The following G3BP2 variants were observed in gnomAD, a reference collection of about 807,000 sequenced individuals.
G3BP2 encodes G3BP stress granule assembly factor 2, also known as ras GTPase-activating protein-binding protein 2.
In G3BP2, 11 loss-of-function variants were observed where a neutral mutation model predicts 56.7. That is an observed-to-expected ratio of 0.19 (90% CI 0.12 to 0.32). The LOEUF (loss-of-function observed/expected upper bound fraction) is 0.32. Ranked by LOEUF, G3BP2 falls within the 10% of genes least tolerant of loss-of-function variation. G3BP2 has a pLI of 1.00. For synonymous variants in G3BP2, 165 were observed against 191.6 expected (o/e 0.86, Z 1.15); for missense variants, 340 against 610.9 (o/e 0.56, Z 4.67).
At chr4:75,669,893 G>A (rs188572855) in intron 1 of G3BP2, among the ~76,000 whole-genome samples, 228 of 152,276 alleles carry the variant, frequency 1.5e-3, no homozygotes, top group African/African-American at 4.7e-3. Context: ...AGGAGTTCGA[G>A]ACCAGCCTGA....
chr4:75,696,552 C>T (rs927688894), intron 3 of G3BP2, among the ~76,000 whole-genome samples: 13 of 152,170 alleles, frequency 8.5e-5, no homozygotes, highest in Admixed American at 2.0e-4. Flanking sequence ...AGGGTCACTG[C>T]GCATCAGGCT....
At position 75,647,045 on chromosome 4, in the gene G3BP2, T is replaced by C; in HGVS notation, c.1041A>G (p.Leu347=). ...ATCACTTACTCATGAAGAATTCCTT[T>C]AGCTCATTTTCATCAATATCATGTG... ...NLPHDIDENE[L]KEFFMSFGNV... is the part of the protein sequence containing the mutation. The change falls in exon 10 of 12, where the codon CTA becomes CTG. Residue 347 remains leucine, a synonymous_variant. Transcript: ENST00000359707. 1.9e-6 allele frequency: 3 copies of C among 1,591,604 alleles called. No homozygotes were observed. The highest frequency in any genetic ancestry group is 2.3e-5 in the South Asian group (2 of 88,036).
At chr4:75,697,752 G>A (rs1201515641) in intron 3 of G3BP2, among the ~76,000 whole-genome samples, 1 of 152,092 alleles carries the variant, frequency 6.6e-6, no homozygotes, top group Non-Finnish European at 1.5e-5. Flanking sequence ...TGGCCAACAT[G>A]GCAAAACCCA....
At chr4:75,648,939 GT>G in intron 8 of G3BP2, 198 bp from the exon 9 acceptor site, 1 of 414,136 alleles carries the variant, frequency 2.4e-6, no homozygotes, top group Admixed American at 3.5e-5. Flanking sequence ...GGTAGCTTTT[GT>G]TTTCCCACTT....
At chr4:75,716,097 C>T (rs1279300570) in intron 3 of G3BP2, among the ~76,000 whole-genome samples, 1 of 152,076 alleles carries the variant, frequency 6.6e-6, no homozygotes, top group Non-Finnish European at 1.5e-5. Context: ...GTGCCCCTGT[C>T]CTGAAAAGGT....
chr4:75,666,877 C>A (rs1241264681), intron 1 of G3BP2, among the ~76,000 whole-genome samples: 1 of 152,144 alleles, frequency 6.6e-6, no homozygotes, highest in African/African-American at 2.4e-5. Flanking sequence ...TAAAAGGTTT[C>A]AACTATCTTA....
chr4:75,714,503 CT>C (rs1473519564), intron 3 of G3BP2, among the ~76,000 whole-genome samples: 5 of 152,094 alleles, frequency 3.3e-5, no homozygotes, highest in Non-Finnish European at 5.9e-5. Flanking sequence ...TGGCGAGTGC[CT>C]GTAATTCCAG....
chr4:75,647,547 G>A (rs982095573), intron 9 of G3BP2, among the ~76,000 whole-genome samples: 7 of 152,088 alleles, frequency 4.6e-5, no homozygotes, highest in Non-Finnish European at 1.0e-4. Context: ...TTGGCTTTAT[G>A]ACATTACAGC....
upstream of G3BP2, among the ~76,000 whole-genome samples, chr4:75,678,296 T>TTGTGTGTG (rs57550763): frequency 2.8e-5 from 4 of 144,472 alleles, no homozygotes; most frequent in Admixed American, 7.0e-5. Context: ...CGTGCCTAGC[T>TTGTGTGTG]TGTGTGTGTG....
Position 75,645,109 on chromosome 4 carries a change from A to T in G3BP2, c.*321T>A. 3.4e-6 allele frequency: 1 copy of T among 293,320 alleles called. No individual in the cohort carries two copies. The highest frequency in any genetic ancestry group is 6.3e-6 in the Non-Finnish European group (1 of 159,298). 18.2% of individuals were successfully genotyped at this position (293,320 alleles called of 1,614,324 possible). A position where few individuals can be genotyped will look rare whatever the true frequency, so the allele number is the denominator to read the frequency against. On this transcript the variant is annotated 3_prime_UTR_variant, in exon 12 of 12. Coordinates refer to ENST00000359707, the MANE Select transcript of G3BP2 (RefSeq NM_203505.3). ...GTAACACTTAAACAAAATGTGCAGC[A>T]GAAGATTTTTTTTTTACTCAAAGGA...
At position 75,661,844 on chromosome 4, in the gene G3BP2, A is replaced by G. The variant is rs1732591723; in HGVS notation, c.95+87T>C. Reference sequence around the variant, plus strand: ...ATGTTTACAAAGATACTGTCAGATAATGAGGAGACAGGAAATGCAAAATAT... The same window carrying G: ...ATGTTTACAAAGATACTGTCAGATAGTGAGGAGACAGGAAATGCAAAATAT... On this transcript the variant is annotated intron_variant, in intron 2 of 11. Transcript: ENST00000359707. The G allele has an allele frequency of 4.5e-6, 3 of 672,248 alleles. No homozygotes were observed. The South Asian group carries it at 5.3e-5, about 12-fold the overall frequency. The allele number at this position is 672,248 out of a possible 1,614,324, so 41.6% of individuals were successfully genotyped here.
intron 5 of G3BP2, among the ~76,000 whole-genome samples, chr4:75,656,152 A>G (rs1353823703): frequency 6.6e-6 from 1 of 151,730 alleles, no homozygotes; most frequent in African/African-American, 2.4e-5. Flanking sequence ...CATCATGCCC[A>G]GCTAATTTTT....
upstream of G3BP2, among the ~76,000 whole-genome samples, chr4:75,676,967 A>AC (rs1490699013): frequency 6.6e-6 from 1 of 151,976 alleles, no homozygotes; most frequent in African/African-American, 2.4e-5. Flanking sequence ...TCACATTACC[A>AC]CCCCAAGGCC....
intron 3 of G3BP2, among the ~76,000 whole-genome samples, chr4:75,716,345 TTG>T (rs1324475324): frequency 1.3e-5 from 2 of 151,906 alleles, no homozygotes; most frequent in African/African-American, 4.8e-5. Flanking sequence ...AGCTAATTTT[TTG>T]TATTTTTAGT....
intron 3 of G3BP2, among the ~76,000 whole-genome samples, chr4:75,704,912 C>T (rs1040593411): frequency 2.0e-5 from 3 of 152,186 alleles, no homozygotes; most frequent in East Asian, 1.9e-4. Context: ...GGATTACAGG[C>T]GTGAACCACC....
intron 3 of G3BP2, 105 bp downstream of exon 3, chr4:75,658,738 G>GAGAA (rs1246147249): frequency 5.6e-5 from 43 of 764,730 alleles, no homozygotes; most frequent in African/African-American, 3.9e-4. Flanking sequence ...AAAAAAAAAA[G>GAGAA]AGAAAGAAAG....
upstream of G3BP2, among the ~76,000 whole-genome samples, chr4:75,676,448 T>C (rs1340769874): frequency 2.7e-5 from 4 of 149,882 alleles, no homozygotes; most frequent in Non-Finnish European, 5.9e-5. Context: ...GTTCAAGCCA[T>C]TCTCCTGCCT....
intron 3 of G3BP2, among the ~76,000 whole-genome samples, chr4:75,716,264 G>A (rs1158866741): frequency 6.6e-6 from 1 of 152,038 alleles, no homozygotes; most frequent in East Asian, 1.9e-4. Flanking sequence ...CCGCCTCACA[G>A]GTTCAAGAGA....
chr4:75,684,826 T>C (rs1403947712), intron 3 of G3BP2, among the ~76,000 whole-genome samples: 1 of 152,136 alleles, frequency 6.6e-6, no homozygotes, highest in African/African-American at 2.4e-5. Context: ...CCATATTTCA[T>C]TGTCTTCTAA....
Sources: allele counts gnomAD v4.1 joint callset (sites outside exome capture counted in the v4.1 genomes callset), GRCh38; gene constraint gnomAD v4.1.1; transcripts MANE v1.5; gene names NCBI Gene and HGNC (gene_info 2026-07-23, HGNC 2026-07-21).